HAGH: variants seen among roughly 807,000 people sequenced by gnomAD.
The protein encoded by HAGH is hydroxyacylglutathione hydrolase, mitochondrial.
A neutral mutation model predicts 35.1 loss-of-function variants in HAGH; 29 were observed. That is an observed-to-expected ratio of 0.83 (90% CI 0.62 to 1.13). The LOEUF (loss-of-function observed/expected upper bound fraction) is 1.13. HAGH is among the 50% of genes most tolerant of loss of function. The pLI, the probability that HAGH is intolerant of heterozygous loss-of-function variation, is 0.00. For synonymous variants in HAGH, 225 were observed against 176.1 expected (o/e 1.28, Z -2.20); for missense variants, 478 against 419.6 (o/e 1.14, Z -1.22).
intron 3 of HAGH, 38 bp downstream of exon 3, chr16:1,822,262 G>A (rs1282208433): frequency 7.0e-7 from 1 of 1,431,600 alleles, no homozygotes; most frequent in Non-Finnish European, 9.8e-7. Flanking sequence ...CGAGAAGTGA[G>A]CCAGGTCCCA....
At position 1,817,336 on chromosome 16, in the gene HAGH, G is replaced by T. The variant is rs772818662; in HGVS notation, c.542-65C>A. The T allele has an allele frequency of 4.9e-6, 5 of 1,019,938 alleles. No individual in the cohort carries two copies. In the Admixed American group the frequency reaches 7.1e-5, roughly 14 times the overall value. 63.2% of individuals were successfully genotyped at this position (1,019,938 alleles called of 1,614,324 possible). ...GCTGGTGGCTAGGACTCAGGAGGGG[G>T]CCAGGAGCAGGGTGACACTCACCGG... On this transcript the variant is annotated intron_variant, in intron 5 of 8. Transcript: ENST00000397356.
chr16:1,817,924 C>T (rs986389309), intron 5 of HAGH, among the ~76,000 whole-genome samples: 5 of 151,882 alleles, frequency 3.3e-5, no homozygotes, highest in African/African-American at 1.2e-4. Context: ...CAGCACCCAG[C>T]ACAGTGGAGG....
At position 1,809,360 on chromosome 16, in the gene HAGH, CGT is replaced by C; in HGVS notation, c.848_849del (p.His283ArgfsTer3). 6.2e-7 allele frequency: 1 copy of C among 1,612,308 alleles called. No individual in the cohort carries two copies. Among genetic ancestry groups the C allele is most frequent in the African/African-American group, 1.3e-5 (1 of 75,054 alleles). ...MRVREKTVQQ[H>X]AGETDPVTTM... ...GTGGTCACCGGGTCCGTCTCACCTG[CGT>C]GCTGCTGCACCGTCTTCTCCCTGCG... is the stretch of plus-strand genomic sequence containing the variant. On this transcript the variant is annotated frameshift_variant, in exon 9 of 9. Coordinates refer to ENST00000397356, the MANE Select transcript of HAGH (RefSeq NM_005326.6). LOFTEE classifies it high-confidence loss of function.
chr16:1,821,955 T>TG (rs1305884589), intron 3 of HAGH: 3,505 of 93,906 alleles, frequency 0.037, 54 homozygotes, highest in Admixed American at 0.052. Flanking sequence ...TTTTTTTGTT[T>TG]TTTTTTTTTT....
intron 7 of HAGH, among the ~76,000 whole-genome samples, chr16:1,811,285 G>A (rs951519873): frequency 6.6e-6 from 1 of 152,040 alleles, no homozygotes; most frequent in Non-Finnish European, 1.5e-5. Flanking sequence ...GTGGTGGCGG[G>A]TGCCTGTAAT....
At chr16:1,812,021 CT>C (rs938669356) in intron 7 of HAGH, among the ~76,000 whole-genome samples, 17 of 151,724 alleles carry the variant, frequency 1.1e-4, no homozygotes, top group African/African-American at 4.1e-4. Context: ...TGTAAACCCC[CT>C]CTCTACCAAA....
In HAGH at chr16:1,826,802, T is replaced by C. The variant is rs1475166970; in HGVS notation, c.-15A>G. The C allele has an allele frequency of 1.2e-5, 15 of 1,219,838 alleles. No homozygotes were observed. In the South Asian group the frequency reaches 4.6e-4, roughly 38 times the overall value. 75.6% of individuals were successfully genotyped at this position (1,219,838 alleles called of 1,614,324 possible). A position where few individuals can be genotyped will look rare whatever the true frequency, so the allele number is the denominator to read the frequency against. ...CCCACCACCATGACCCGGGCCGGGC[T>C]GGACTGCCGAGCTGCCCAGGACTGC... On this transcript the variant is annotated 5_prime_UTR_variant, in exon 1 of 9. Transcript: ENST00000397356.
intron 7 of HAGH, among the ~76,000 whole-genome samples, chr16:1,815,872 AGCTGGGCGTGTTG>A (rs1487124684): frequency 5.3e-5 from 8 of 150,490 alleles, no homozygotes; most frequent in Non-Finnish European, 1.0e-4. Context: ...TAGAAAAATT[AGCTGGGCGTGTTG>A]GCTGGCGCCT....
chr16:1,817,111 C>G lies in HAGH; in HGVS notation c.645+57G>C, dbSNP rs1383581162. The G allele has an allele frequency of 5.9e-6, 8 of 1,359,368 alleles. No homozygotes were observed. In the South Asian group the frequency reaches 9.3e-5, roughly 16 times the overall value. 84.2% of individuals were successfully genotyped at this position (1,359,368 alleles called of 1,614,324 possible). A position where few individuals can be genotyped will look rare whatever the true frequency, so the allele number is the denominator to read the frequency against. ...GGTGAGAGGGTGCCAGGAGGGAGAGCAGCCCCGCCCTGGTTAAGGCCCCCC... is the reference window on the plus strand; with the variant it reads ...GGTGAGAGGGTGCCAGGAGGGAGAGGAGCCCCGCCCTGGTTAAGGCCCCCC... On this transcript the variant is annotated intron_variant, in intron 6 of 8. Transcript: ENST00000397356.
intron 6 of HAGH, 37 bp downstream of exon 6, chr16:1,817,130 GC>G (rs758232759): frequency 2.1e-6 from 3 of 1,454,976 alleles, no homozygotes; most frequent in Non-Finnish European, 2.9e-6. Flanking sequence ...CCTGGTTAAG[GC>G]CCCCCACACC....
chr16:1,818,768 T>G (rs1898017606), intron 5 of HAGH: 1 of 252,964 alleles, frequency 4.0e-6, no homozygotes, highest in Non-Finnish European at 7.8e-6. Flanking sequence ...CACAGGTCCC[T>G]GAGTCCACAC....
intron 2 of HAGH, among the ~76,000 whole-genome samples, chr16:1,822,600 T>G (rs957211885): frequency 6.6e-6 from 1 of 152,160 alleles, no homozygotes; most frequent in Non-Finnish European, 1.5e-5. Context: ...CCTCCAGCTC[T>G]GAGGGCACCA....
Position 1,826,738 on chromosome 16 carries a change from C to A in HAGH, c.50G>T (p.Gly17Val). The change falls in exon 1 of 9, where the codon GGA becomes GTA. Residue 17 changes from glycine to valine, a missense_variant. Gly to Val is a moderately radical substitution (Grantham distance 109). Coordinates refer to ENST00000397356, the MANE Select transcript of HAGH (RefSeq NM_005326.6). ...LLGRRSLAAL[G>V]AACARRGLGP... ...GAGGCCTCGGCGGGCGCAGGCGGCT[C>A]CCAGCGCGGCGAGGCTGCGGCGGCC... The A allele has an allele frequency of 8.4e-7, 1 of 1,183,822 alleles. No individual in the cohort carries two copies. The highest frequency in any genetic ancestry group is 1.0e-6 in the Non-Finnish European group (1 of 957,556). 73.3% of individuals were successfully genotyped at this position (1,183,822 alleles called of 1,614,324 possible).
At chr16:1,826,873 C>G, upstream of HAGH, 1 of 860,592 alleles carries the variant, frequency 1.2e-6, no homozygotes, top group Non-Finnish European at 1.6e-6. Context: ...GCCCGCCTCG[C>G]GCTGCCCTCA....
intron 7 of HAGH, chr16:1,810,095 G>C: frequency 2.1e-6 from 1 of 483,876 alleles, no homozygotes; most frequent in African/African-American, 2.0e-5. Context: ...AGCACAGGTC[G>C]AGGCTACAGT....
At chr16:1,809,677 G>T in intron 8 of HAGH, 77 bp downstream of exon 8, 1 of 1,069,944 alleles carries the variant, frequency 9.3e-7, no homozygotes, top group Non-Finnish European at 1.4e-6. Flanking sequence ...TGGGGTCTCG[G>T]ACGTACCGGC....
rs1270625425 is a variant in HAGH at position 1,807,752 on chromosome 16, C to G, written c.*1531G>C. 1 of 152,310 alleles carries G rather than the reference C, an allele frequency of 6.6e-6. No individual in the cohort carries two copies. The highest frequency in any genetic ancestry group is 2.4e-5 in the African/African-American group (1 of 41,464). The allele number at this position is 152,310 out of a possible 1,614,324, so 9.4% of individuals were successfully genotyped here. A position where few individuals can be genotyped will look rare whatever the true frequency, so the allele number is the denominator to read the frequency against. On this transcript the variant is annotated 3_prime_UTR_variant, in exon 9 of 9. Coordinates refer to ENST00000397356, the MANE Select transcript of HAGH (RefSeq NM_005326.6). The stretch of plus-strand genomic sequence containing the variant: ...AAGCCGGAGAAGCAGTCTGCCCTGC[C>G]TCCTCACACACGCCTGGCTTCCGTG...
chr16:1,820,088 G>GCTGAGCTGAGGGGGCTGCCTA (rs1567259949), intron 3 of HAGH, 74 bp from the exon 4 acceptor site: 2 of 793,182 alleles, frequency 2.5e-6, no homozygotes, highest in African/African-American at 3.4e-5. Flanking sequence ...GGGGCTGCCT[G>GCTGAGCTGAGGGGGCTGCCTA]CTGAGCTGAG....
In HAGH at chr16:1,816,943, G is replaced by C; in HGVS notation, c.697C>G (p.His233Asp). 1 of 1,613,976 alleles carries C rather than the reference G, an allele frequency of 6.2e-7. No individual in the cohort carries two copies. Among genetic ancestry groups the C allele is most frequent in the Non-Finnish European group, 8.5e-7 (1 of 1,179,862 alleles). Residue 233 changes from histidine to aspartate, a missense_variant, in exon 7 of 9, where the codon CAC (histidine) becomes GAC (aspartate). His to Asp is a moderately conservative substitution (Grantham distance 81). Coordinates refer to ENST00000397356, the MANE Select transcript of HAGH (RefSeq NM_005326.6). ...ATGGCGGCATTGCCGGGCTCCACGT[G>C]GCGTGCAAACTTGAGGTTGTTGATG... ...YTINNLKFAR[H>D]VEPGNAAIRE...
Sources: allele counts gnomAD v4.1 joint callset (sites outside exome capture counted in the v4.1 genomes callset), GRCh38; gene constraint gnomAD v4.1.1; transcripts MANE v1.5; gene names NCBI Gene and HGNC (gene_info 2026-07-23, HGNC 2026-07-21).